The following VGLL4 variants were observed in gnomAD, a reference collection of about 807,000 sequenced individuals.
VGLL4 encodes vestigial like family member 4, also known as transcription cofactor vestigial-like protein 4.
In VGLL4, 7 loss-of-function variants were observed where a neutral mutation model predicts 21.0. That is an observed-to-expected ratio of 0.33 (90% CI 0.19 to 0.63). The LOEUF (loss-of-function observed/expected upper bound fraction) is 0.63. Among genes scored for constraint, VGLL4 ranks in the 20% least tolerant of loss-of-function variants. The pLI is 0.78. For missense variants in VGLL4, 394 were observed against 425.7 expected, an observed-to-expected ratio of 0.93 and a Z score of 0.66; for synonymous variants, 222 against 173.2, an observed-to-expected ratio of 1.28 and a Z score of -2.21.
At chr3:11,702,044 A>G (rs2076688056) in intron 2 of VGLL4, among the ~76,000 whole-genome samples, 1 of 152,102 alleles carries the variant, frequency 6.6e-6, no homozygotes, top group South Asian at 2.1e-4. Context: ...TTTTTCTCCC[A>G]GTATTTGCTC....
intron 1 of VGLL4, among the ~76,000 whole-genome samples, chr3:11,716,461 T>C (rs1024796808): frequency 5.9e-5 from 9 of 152,150 alleles, no homozygotes; most frequent in African/African-American, 1.9e-4. Flanking sequence ...GCTCAAATTT[T>C]TCCCCATACT....
intron 2 of VGLL4, among the ~76,000 whole-genome samples, chr3:11,566,633 C>T (rs1328847932): frequency 1.3e-5 from 2 of 152,180 alleles, no homozygotes; most frequent in Non-Finnish European, 2.9e-5. Flanking sequence ...TAAGATGCGG[C>T]CACTCTCTGC....
chr3:11,677,478 T>C (rs1165355977), intron 2 of VGLL4, among the ~76,000 whole-genome samples: 2 of 152,074 alleles, frequency 1.3e-5, no homozygotes, highest in African/African-American at 4.8e-5. Flanking sequence ...TCTCGCTATG[T>C]TGCCCATGGT....
In VGLL4 at chr3:11,660,116, C is replaced by T. The variant is rs958125654; in HGVS notation, c.64+42855G>A. Among the ~76,000 whole-genome samples the T allele has an allele frequency of 5.3e-5, 8 of 151,326 alleles. No homozygotes were observed. The South Asian group carries it at 6.3e-4, about 12-fold the overall frequency. ...GGCGGAGCTTGCAGTGAGTGGAGAT[C>T]GCGCCACTGCACTCCAGCCTGGGCG... On this transcript the variant is annotated intron_variant, in intron 2 of 5. Coordinates refer to the VGLL4 transcript ENST00000273038.
At chr3:11,592,163 GA>G (rs1183165373) in intron 2 of VGLL4, among the ~76,000 whole-genome samples, 5 of 152,094 alleles carry the variant, frequency 3.3e-5, no homozygotes, top group African/African-American at 1.2e-4. Flanking sequence ...AATCTAGAGG[GA>G]AAAAAAACAC....
chr3:11,713,862 T>C (rs1054638706), intron 1 of VGLL4, among the ~76,000 whole-genome samples: 1 of 151,872 alleles, frequency 6.6e-6, no homozygotes, highest in African/African-American at 2.4e-5. Flanking sequence ...GGGCTAACAC[T>C]CTGGATGGAA....
At chr3:11,680,855 T>G (rs2076358074) in intron 2 of VGLL4, among the ~76,000 whole-genome samples, 1 of 152,176 alleles carries the variant, frequency 6.6e-6, no homozygotes, top group African/African-American at 2.4e-5. Context: ...CAGCACTTAG[T>G]ATGGCACCTG....
chr3:11,720,786 A>G (rs2076986867), upstream of VGLL4: 1 of 152,306 alleles, frequency 6.6e-6, no homozygotes, highest in Non-Finnish European at 1.5e-5. Context: ...AAACGTTTCT[A>G]ATTGGCGCAG....
At chr3:11,631,069 C>A (rs964464629) in intron 1 of VGLL4, among the ~76,000 whole-genome samples, 1 of 152,134 alleles carries the variant, frequency 6.6e-6, no homozygotes, top group Non-Finnish European at 1.5e-5. Flanking sequence ...CAAACTACTC[C>A]AGGAGCATGC....
intron 4 of VGLL4, 142 bp downstream of exon 4, chr3:11,559,190 A>C: frequency 7.3e-7 from 1 of 1,372,320 alleles, no homozygotes; most frequent in Non-Finnish European, 9.6e-7. Context: ...CTAGGCGCAC[A>C]CTGGACGTGC....
intron 2 of VGLL4, among the ~76,000 whole-genome samples, chr3:11,663,021 AGTT>A (rs1401139604): frequency 6.6e-6 from 1 of 152,232 alleles, no homozygotes; most frequent in Admixed American, 6.5e-5. Flanking sequence ...TGCTTGCAGT[AGTT>A]AGGAGGTTTC....
At chr3:11,700,703 C>T (rs1053428490) in intron 2 of VGLL4, among the ~76,000 whole-genome samples, 5 of 152,358 alleles carry the variant, frequency 3.3e-5, no homozygotes, top group South Asian at 2.1e-4. Context: ...GCTCAGAAGA[C>T]ATCCCCGACA....
intron 1 of VGLL4, among the ~76,000 whole-genome samples, chr3:11,635,607 A>T (rs956579682): frequency 5.9e-5 from 9 of 152,238 alleles, no homozygotes; most frequent in African/African-American, 2.2e-4. Context: ...CAAGAGCGCA[A>T]TGCTTGATGT....
chr3:11,674,393 C>A (rs1430972539), intron 2 of VGLL4, among the ~76,000 whole-genome samples: 1 of 152,180 alleles, frequency 6.6e-6, no homozygotes, highest in Non-Finnish European at 1.5e-5. Context: ...AAGACACAAT[C>A]CCCGAGAGTT....
chr3:11,568,795 A>C lies in VGLL4; in HGVS notation c.273-3776T>G. 6.9e-7 allele frequency: 1 copy of C among 1,448,674 alleles called. No individual in the cohort carries two copies. The highest frequency in any genetic ancestry group is 9.1e-7 in the Non-Finnish European group (1 of 1,104,686). 89.7% of individuals were successfully genotyped at this position (1,448,674 alleles called of 1,614,324 possible). ...CCGCTCCTGGTCAGGACTGTGCCCG[A>C]GAGAGCCCACGGCATCCCCGCGAAC... On this transcript the variant is annotated intron_variant, in intron 2 of 4. Transcript: ENST00000430365. This position sits in a 1 kb window ranked among gnomAD's most constrained non-coding sequence, Gnocchi z 5.9.
intron 2 of VGLL4, among the ~76,000 whole-genome samples, chr3:11,572,093 G>A (rs1192225102): frequency 6.6e-6 from 1 of 152,158 alleles, no homozygotes; most frequent in Non-Finnish European, 1.5e-5. Flanking sequence ...GAGTGACAGA[G>A]TGAGACCCTG....
At chr3:11,627,595 CAAAAAAAAA>C (rs57607183) in intron 1 of VGLL4, among the ~76,000 whole-genome samples, 13 of 118,820 alleles carry the variant, frequency 1.1e-4, no homozygotes, top group Non-Finnish European at 1.0e-4. Context: ...AACTTCATCT[CAAAAAAAAA>C]AAAAAAAAAA....
intron 2 of VGLL4, among the ~76,000 whole-genome samples, chr3:11,579,557 G>A (rs777200064): frequency 9.2e-5 from 14 of 152,138 alleles, no homozygotes; most frequent in South Asian, 2.1e-4. Flanking sequence ...AGAAGTGTTC[G>A]TCTGTGGAGT....
rs144764077 is a variant in VGLL4 at position 11,569,837 on chromosome 3, C to T, written c.273-4818G>A. On this transcript the variant is annotated intron_variant, in intron 2 of 4. Transcript: ENST00000430365. ...TGGAGGCTACAGTGAGCCATGGTCACGCCACTGCACTTTAGCCTGGGTGAC... is the reference window on the plus strand; with the variant it reads ...TGGAGGCTACAGTGAGCCATGGTCATGCCACTGCACTTTAGCCTGGGTGAC... 3.1e-3 allele frequency among the ~76,000 whole-genome samples: 479 copies of T among 152,250 alleles called. 2 individuals are homozygous for T. Among genetic ancestry groups the T allele is most frequent in the African/African-American group, 0.011 (443 of 41,544 alleles).
Sources: allele counts gnomAD v4.1 joint callset (sites outside exome capture counted in the v4.1 genomes callset), GRCh38; gene constraint gnomAD v4.1.1; non-coding constraint Gnocchi (gnomAD v3.1); transcripts MANE v1.5; gene names NCBI Gene and HGNC (gene_info 2026-07-23, HGNC 2026-07-21).